Variants in ZFPM2 observed in about 807,000 individuals in gnomAD.
ZFPM2 encodes zinc finger protein, FOG family member 2.
Under a neutral mutation model 98.6 loss-of-function variants are expected in ZFPM2, and 20 were observed. That is an observed-to-expected ratio of 0.20 (90% CI 0.14 to 0.29). The LOEUF (loss-of-function observed/expected upper bound fraction) is 0.29, where lower values mean the gene tolerates loss of function less well. ZFPM2 is among the 10% of genes least tolerant of loss of function. The pLI, the probability that ZFPM2 is intolerant of heterozygous loss-of-function variation, is 1.00. For missense variants in ZFPM2, 1,310 were observed against 1,388.6 expected (o/e 0.94, Z 0.90); for synonymous variants, 518 against 502.7 (o/e 1.03, Z -0.41).
At chr8:105,564,135 G>A (rs1815196874) in intron 4 of ZFPM2, among the ~76,000 whole-genome samples, 1 of 151,782 alleles carries the variant, frequency 6.6e-6, no homozygotes, top group Non-Finnish European at 1.5e-5. Flanking sequence ...AGTTCTATAT[G>A]ACTGTAAAGC....
In ZFPM2 at chr8:105,801,861, A is replaced by C; in HGVS notation, c.1779A>C (p.Glu593Asp). The C allele has an allele frequency of 6.2e-7, 1 of 1,613,952 alleles. No individual in the cohort carries two copies. Among genetic ancestry groups the C allele is most frequent in the South Asian group, 1.1e-5 (1 of 91,080 alleles). The change falls in exon 8 of 8, where the codon GAA becomes GAC. Residue 593 changes from glutamate to aspartate, a missense_variant. Glu to Asp is a conservative substitution (Grantham distance 45, BLOSUM62 2). Coordinates refer to ENST00000407775, the MANE Select transcript of ZFPM2 (RefSeq NM_012082.4). ...EFPSVSEKMP[E>D]ALSPNTGQTS... Reference sequence around the variant, plus strand: ...CTAGTGTGTCAGAAAAGATGCCTGAAGCTTTGAGTCCCAACACTGGCCAAA... The same window carrying C: ...CTAGTGTGTCAGAAAAGATGCCTGACGCTTTGAGTCCCAACACTGGCCAAA...
At chr8:105,519,508 G>C (rs1023884154) in intron 3 of ZFPM2, among the ~76,000 whole-genome samples, 10 of 152,148 alleles carry the variant, frequency 6.6e-5, no homozygotes, top group Admixed American at 2.0e-4. Context: ...TTATTTTAAG[G>C]AGTTTAATAT....
chr8:105,729,697 A>C (rs1811887654), intron 5 of ZFPM2, among the ~76,000 whole-genome samples: 2 of 151,608 alleles, frequency 1.3e-5, no homozygotes, highest in East Asian at 3.9e-4. Flanking sequence ...ATATTCTGCA[A>C]ATTTCTATCC....
At chr8:105,393,894 CTTTT>C (rs771677766) in intron 1 of ZFPM2, among the ~76,000 whole-genome samples, 3 of 134,724 alleles carry the variant, frequency 2.2e-5, no homozygotes, top group Admixed American at 7.5e-5. Flanking sequence ...TAAAATATTT[CTTTT>C]TTTTTTTTTT....
At chr8:105,511,411 T>A (rs1813815006) in intron 3 of ZFPM2, among the ~76,000 whole-genome samples, 1 of 152,198 alleles carries the variant, frequency 6.6e-6, no homozygotes, top group Non-Finnish European at 1.5e-5. Flanking sequence ...ACAATTCCTG[T>A]TGTTGTAGTT....
chr8:105,756,071 G>A (rs183189863), intron 5 of ZFPM2, among the ~76,000 whole-genome samples: 2 of 152,214 alleles, frequency 1.3e-5, no homozygotes, highest in Admixed American at 1.3e-4. Context: ...GTGTTTCTGG[G>A]AGCTAAAAAT....
At chr8:105,468,470 C>CT (rs1301349438) in intron 3 of ZFPM2, among the ~76,000 whole-genome samples, 2 of 152,128 alleles carry the variant, frequency 1.3e-5, no homozygotes, top group Admixed American at 6.6e-5. Context: ...CTGTGTGTTA[C>CT]TTTGCAACCT....
chr8:105,517,299 A>G (rs1219319213), intron 3 of ZFPM2, among the ~76,000 whole-genome samples: 2 of 152,156 alleles, frequency 1.3e-5, no homozygotes, highest in Non-Finnish European at 2.9e-5. Context: ...GTCATGTCCA[A>G]ATATACTCAG....
intron 2 of ZFPM2, among the ~76,000 whole-genome samples, chr8:105,427,166 A>G (rs891642118): frequency 1.3e-5 from 2 of 152,170 alleles, no homozygotes; most frequent in African/African-American, 4.8e-5. Flanking sequence ...ATGAGAGTAA[A>G]CATATTCTTG....
chr8:105,678,741 C>A (rs1810531864), intron 5 of ZFPM2: 1 of 152,208 alleles, frequency 6.6e-6, no homozygotes, highest in Admixed American at 6.5e-5. Flanking sequence ...TGTCCATGTA[C>A]AAGTGCTTAA....
At chr8:105,601,449 C>T (rs985205552) in intron 4 of ZFPM2, among the ~76,000 whole-genome samples, 1 of 152,060 alleles carries the variant, frequency 6.6e-6, no homozygotes, top group African/African-American at 2.4e-5. Context: ...AAAATGGTGA[C>T]AAAATTGCTT....
At chr8:105,765,054 C>T (rs1265944981) in intron 5 of ZFPM2, among the ~76,000 whole-genome samples, 1 of 151,746 alleles carries the variant, frequency 6.6e-6, no homozygotes, top group Non-Finnish European at 1.5e-5. Flanking sequence ...GGTCAGTGTA[C>T]AATATGTCAC....
chr8:105,346,390 A>T (rs1413862163), intron 1 of ZFPM2, among the ~76,000 whole-genome samples: 1 of 151,620 alleles, frequency 6.6e-6, no homozygotes, highest in East Asian at 1.9e-4. Flanking sequence ...ATCTCAAAAA[A>T]AAAAAAAAAT....
At chr8:105,600,858 G>A (rs1816078375) in intron 4 of ZFPM2, among the ~76,000 whole-genome samples, 1 of 152,092 alleles carries the variant, frequency 6.6e-6, no homozygotes, top group African/African-American at 2.4e-5. Context: ...ACTTTAGCAT[G>A]ACTATTGCAG....
At chr8:105,493,471 C>T (rs1813396372) in intron 3 of ZFPM2, among the ~76,000 whole-genome samples, 2 of 152,118 alleles carry the variant, frequency 1.3e-5, no homozygotes, top group African/African-American at 4.8e-5. Context: ...AATCTTGTAC[C>T]GCATGCTATA....
chr8:105,515,911 CTTTTTTTTTT>C (rs34183654), intron 3 of ZFPM2, among the ~76,000 whole-genome samples: 969 of 89,292 alleles, frequency 0.011, 11 homozygotes, highest in Non-Finnish European at 0.014. Context: ...AAAACAACTT[CTTTTTTTTTT>C]TTTTTTTTTT....
chr8:105,622,633 T>C (rs1255770338), intron 4 of ZFPM2, among the ~76,000 whole-genome samples: 1 of 152,110 alleles, frequency 6.6e-6, no homozygotes, highest in Non-Finnish European at 1.5e-5. Flanking sequence ...CAAAGGTCCT[T>C]TGGGTTGGGA....
chr8:105,631,404 G>T (rs559497770), intron 4 of ZFPM2, among the ~76,000 whole-genome samples: 26 of 152,144 alleles, frequency 1.7e-4, no homozygotes, highest in Non-Finnish European at 3.4e-4. Flanking sequence ...AGTGCTAAAG[G>T]CTTCATAAGA....
At chr8:105,392,321 A>G (rs1447969385) in intron 1 of ZFPM2, among the ~76,000 whole-genome samples, 1 of 152,210 alleles carries the variant, frequency 6.6e-6, no homozygotes, top group Admixed American at 6.5e-5. Flanking sequence ...TTATCTATTC[A>G]TTTAAAACTT....
Sources: allele counts gnomAD v4.1 joint callset (sites outside exome capture counted in the v4.1 genomes callset), GRCh38; gene constraint gnomAD v4.1.1; transcripts MANE v1.5; gene names NCBI Gene and HGNC (gene_info 2026-07-23, HGNC 2026-07-21).